PRKCQ: variants seen among roughly 807,000 people sequenced by gnomAD.
PRKCQ encodes protein kinase C theta.
PRKCQ carries 41 observed loss-of-function variants against 91.2 expected under a neutral mutation model. The observed-to-expected ratio is 0.45, with a 90% CI of 0.35 to 0.58. The LOEUF (loss-of-function observed/expected upper bound fraction) is 0.58. PRKCQ is among the 20% of genes least tolerant of loss of function. The pLI is 0.00. For missense variants in PRKCQ, 673 were observed against 896.5 expected (o/e 0.75, Z 3.18); for synonymous variants, 307 against 316.9 (o/e 0.97, Z 0.33).
chr10:6,424,587 G>A (rs901907553), downstream of PRKCQ, among the ~76,000 whole-genome samples: 7 of 152,188 alleles, frequency 4.6e-5, no homozygotes, highest in African/African-American at 1.7e-4. Flanking sequence ...GGTGTTTAAG[G>A]CTGATGCTTC....
In PRKCQ at chr10:6,465,821, C is replaced by T. The variant is rs527358441; in HGVS notation, c.1354-1417G>A. Among the ~76,000 whole-genome samples the T allele has an allele frequency of 4.6e-5, 7 of 152,310 alleles. No homozygotes were observed. Among genetic ancestry groups the T allele is most frequent in the South Asian group, 2.1e-4 (1 of 4,826 alleles). On this transcript the variant is annotated intron_variant, in intron 12 of 17. Coordinates refer to ENST00000263125, the MANE Select transcript of PRKCQ (RefSeq NM_006257.5). This position sits in a 1 kb window ranked among gnomAD's most constrained non-coding sequence, Gnocchi z 4.4. ...TCCGTCTTTTTTCAATGTTAGTTTC[C>T]GATCTGATTTACTAATTCCATATAT...
At chr10:6,496,261 C>T (rs1194784472) in intron 7 of PRKCQ, among the ~76,000 whole-genome samples, 1 of 149,198 alleles carries the variant, frequency 6.7e-6, no homozygotes, top group Non-Finnish European at 1.5e-5. Context: ...GAAATCTGCA[C>T]TTGTACCTCC....
At chr10:6,399,459 C>T in the PRKCQ span, among the ~76,000 whole-genome samples, 1 of 152,160 alleles carries the variant, frequency 6.6e-6, no homozygotes, top group Non-Finnish European at 1.5e-5. Flanking sequence ...GCAGCCCTTG[C>T]CCTGGAGACA....
intron 14 of PRKCQ, among the ~76,000 whole-genome samples, chr10:6,459,611 A>T (rs1835209723): frequency 6.6e-6 from 1 of 152,224 alleles, no homozygotes; most frequent in Non-Finnish European, 1.5e-5. Flanking sequence ...TCAAGGTGAG[A>T]TTATCCTTGA....
intron 2 of PRKCQ, 133 bp from the exon 3 acceptor site, chr10:6,511,327 C>A: frequency 1.2e-6 from 1 of 803,594 alleles, no homozygotes; most frequent in Non-Finnish European, 2.0e-6. Flanking sequence ...AAAAGTAGCA[C>A]ATAAACAATC....
At chr10:6,548,180 G>C (rs908062535) in intron 1 of PRKCQ, among the ~76,000 whole-genome samples, 2 of 150,592 alleles carry the variant, frequency 1.3e-5, no homozygotes, top group African/African-American at 4.8e-5. Context: ...AAACCACAAT[G>C]AGATACCATC....
rs181353518 is a variant in PRKCQ at position 6,560,536 on chromosome 10, C to T, written c.-10+19675G>A. The stretch of plus-strand genomic sequence containing the variant: ...GTAGAAAGTGTGGCGACTTTGTCTC[C>T]GCCCCTGAGATAGTGTTTCACGGAT... On this transcript the variant is annotated intron_variant, in intron 1 of 17. Transcript: ENST00000263125. 9.1e-4 allele frequency among the ~76,000 whole-genome samples: 139 copies of T among 152,258 alleles called. 1 individual carries two copies. In the South Asian group the frequency reaches 0.014, roughly 15 times the overall value.
At chr10:6,484,286 C>A (rs1247661123) in intron 10 of PRKCQ, among the ~76,000 whole-genome samples, 1 of 152,094 alleles carries the variant, frequency 6.6e-6, no homozygotes. Flanking sequence ...CGGTTGTGTG[C>A]GCAAGTAGTC....
Position 6,479,183 on chromosome 10 carries a change from A to G in PRKCQ, c.1180-18T>C. 1 of 1,611,252 alleles carries G rather than the reference A, an allele frequency of 6.2e-7. No homozygotes were observed. The highest frequency in any genetic ancestry group is 8.5e-7 in the Non-Finnish European group (1 of 1,178,154). On this transcript the variant is annotated intron_variant, in intron 11 of 17. Coordinates refer to ENST00000263125, the MANE Select transcript of PRKCQ (RefSeq NM_006257.5). ...AGGAAGACCTAGAAGGAGAGGGAAG[A>G]AGTAACTTTATTTTAGAATTTGGAT...
intron 1 of PRKCQ, among the ~76,000 whole-genome samples, chr10:6,552,654 A>G (rs1238866919): frequency 1.3e-5 from 2 of 151,984 alleles, no homozygotes; most frequent in African/African-American, 4.8e-5. Context: ...TTTTGTAGAC[A>G]CAGGGTCTCA....
chr10:6,577,372 C>G (rs1841281927), intron 1 of PRKCQ, among the ~76,000 whole-genome samples: 1 of 152,200 alleles, frequency 6.6e-6, no homozygotes, highest in African/African-American at 2.4e-5. Context: ...TCTATAGTTT[C>G]TCATGACTTC....
chr10:6,524,885 G>C (rs546559718), intron 1 of PRKCQ, among the ~76,000 whole-genome samples: 1 of 152,188 alleles, frequency 6.6e-6, no homozygotes, highest in Admixed American at 6.5e-5. Flanking sequence ...CAGCGGGCAG[G>C]CTCTCACTGA....
At chr10:6,469,392 G>A (rs1835845706) in intron 12 of PRKCQ, among the ~76,000 whole-genome samples, 1 of 152,180 alleles carries the variant, frequency 6.6e-6, no homozygotes, top group Admixed American at 6.5e-5. Context: ...CAGGCTTGAG[G>A]CTGTTTAGGT....
intron 11 of PRKCQ, among the ~76,000 whole-genome samples, chr10:6,482,941 G>A (rs946209381): frequency 6.6e-6 from 1 of 152,052 alleles, no homozygotes; most frequent in African/African-American, 2.4e-5. Context: ...ATGACACCTG[G>A]GGATTATTAC....
chr10:6,555,065 G>A (rs546184036), intron 1 of PRKCQ, among the ~76,000 whole-genome samples: 45 of 152,138 alleles, frequency 3.0e-4, no homozygotes, highest in Non-Finnish European at 4.4e-4. Flanking sequence ...CTTAGAAGTG[G>A]GAGCTAAATA....
chr10:6,488,546 C>T (rs1002149585), intron 8 of PRKCQ, among the ~76,000 whole-genome samples: 19 of 152,030 alleles, frequency 1.2e-4, no homozygotes, highest in African/African-American at 4.6e-4. Context: ...TCACCACACC[C>T]AGCTAATTTT....
At chr10:6,427,147 C>CTTTTTTTTTTTTT (rs569867233), downstream of PRKCQ, 1 of 145,318 alleles carries the variant, frequency 6.9e-6, no homozygotes. Context: ...TAAGAGGACT[C>CTTTTTTTTTTTTT]TTTTTTTTTT....
chr10:6,434,924 CT>C (rs920279286), intron 16 of PRKCQ, among the ~76,000 whole-genome samples: 1 of 151,440 alleles, frequency 6.6e-6, no homozygotes, highest in African/African-American at 2.4e-5. Context: ...TGTTTTTTTT[CT>C]TTTTTTTGAG....
intron 1 of PRKCQ, among the ~76,000 whole-genome samples, chr10:6,542,315 A>T (rs1215956673): frequency 2.6e-5 from 4 of 152,218 alleles, no homozygotes; most frequent in Non-Finnish European, 4.4e-5. Flanking sequence ...CCTCAGGTGA[A>T]TGCATTTGCA....
Sources: gnomAD v4.1 joint callset for allele counts (sites outside exome capture counted in the v4.1 genomes callset) on GRCh38, gnomAD v4.1.1 for gene constraint, Gnocchi (gnomAD v3.1) non-coding constraint, MANE v1.5 for transcripts, NCBI Gene and HGNC (gene_info 2026-07-23, HGNC 2026-07-21) for gene names.